RAD18: variants seen among roughly 807,000 people sequenced by gnomAD.
RAD18 encodes the protein E3 ubiquitin-protein ligase RAD18.
In RAD18, 47 loss-of-function variants were observed where a neutral mutation model predicts 60.4. The observed-to-expected ratio is 0.78, with a 90% confidence interval of 0.62 to 0.99. The LOEUF is 0.99. Among genes scored for constraint, RAD18 ranks in the 50% least tolerant of loss-of-function variants. RAD18 has a pLI of 0.00. For synonymous variants in RAD18, 225 were observed against 195.5 expected (o/e 1.15, Z -1.26); for missense variants, 640 against 593.3 (o/e 1.08, Z -0.82).
At position 8,880,571 on chromosome 3, in the gene RAD18, C is replaced by G. The variant is rs140319590; in HGVS notation, c.*786G>C. The G allele has an allele frequency of 3.3e-5, 5 of 152,324 alleles. No individual in the cohort carries two copies. The East Asian group carries it at 9.7e-4, about 29-fold the overall frequency. 9.4% of individuals were successfully genotyped at this position (152,324 alleles called of 1,614,324 possible). On this transcript the variant is annotated 3_prime_UTR_variant, in exon 13 of 13. Coordinates refer to ENST00000264926, the MANE Select transcript of RAD18 (RefSeq NM_020165.4). ...AAGAACATTATTGTAAACTGATACT[C>G]TCTATTCATTTACAAAATTCATTCA...
intron 12 of RAD18, among the ~76,000 whole-genome samples, chr3:8,887,328 G>C (rs1419764704): frequency 6.6e-6 from 1 of 152,128 alleles, no homozygotes; most frequent in Non-Finnish European, 1.5e-5. Flanking sequence ...TAATTGCTAG[G>C]TTCTGGCTTG....
At chr3:8,907,772 C>T (rs535863030) in intron 9 of RAD18, among the ~76,000 whole-genome samples, 1 of 123,172 alleles carries the variant, frequency 8.1e-6, no homozygotes, top group African/African-American at 3.0e-5. Context: ...TAAAATCCTC[C>T]ACATACACTA....
intron 10 of RAD18, among the ~76,000 whole-genome samples, chr3:8,900,977 A>T (rs190739559): frequency 2.4e-4 from 36 of 152,348 alleles, no homozygotes; most frequent in Admixed American, 2.4e-3. Flanking sequence ...AGATTTTCTC[A>T]AGTGCTAAAC....
At position 8,906,046 on chromosome 3, in the gene RAD18, CTG is replaced by C. The variant is rs1939996323; in HGVS notation, c.1028-3528_1028-3527del. On this transcript the variant is annotated intron_variant, in intron 9 of 12. Coordinates refer to ENST00000264926, the MANE Select transcript of RAD18 (RefSeq NM_020165.4). ...CATCATGAAGCTGTGAACAGAGAGA[CTG>C]TGCCTTTGAACCTAGAGTGTGAATT... 3.9e-5 allele frequency among the ~76,000 whole-genome samples: 6 copies of C among 152,176 alleles called. No homozygotes were observed. In the South Asian group the frequency reaches 1.2e-3, roughly 32 times the overall value.
Position 8,932,343 on chromosome 3 carries a change from G to A in RAD18, c.889+3528C>T, listed in dbSNP as rs534553568. Among the ~76,000 whole-genome samples the A allele has an allele frequency of 7.9e-5, 12 of 152,176 alleles. No individual in the cohort carries two copies. In the South Asian group the frequency reaches 2.3e-3, roughly 29 times the overall value. The stretch of plus-strand genomic sequence containing the variant: ...ACAAATCAATAAAAAGAGTTAAGGG[G>A]CAGAATATTTCAACCAAGCCTTTAT... On this transcript the variant is annotated intron_variant, in intron 7 of 12. Transcript: ENST00000264926.
At chr3:8,901,819 TACC>T (rs1240393699) in intron 10 of RAD18, among the ~76,000 whole-genome samples, 2 of 152,334 alleles carry the variant, frequency 1.3e-5, no homozygotes, top group Admixed American at 6.5e-5. Context: ...ATGTATATTT[TACC>T]ACAATATAGA....
intron 2 of RAD18, among the ~76,000 whole-genome samples, chr3:8,954,202 C>T (rs1291599575): frequency 6.6e-6 from 1 of 152,214 alleles, no homozygotes; most frequent in African/African-American, 2.4e-5. Context: ...CCAACCTTTT[C>T]AGCTTTCTTG....
chr3:8,903,031 A>C (rs1159241937), intron 9 of RAD18, among the ~76,000 whole-genome samples: 1 of 152,068 alleles, frequency 6.6e-6, no homozygotes, highest in African/African-American at 2.4e-5. Context: ...GTCTCAAAAA[A>C]AAAAAACAAA....
intron 1 of RAD18, among the ~76,000 whole-genome samples, chr3:8,960,218 G>T (rs919279330): frequency 2.0e-5 from 3 of 152,124 alleles, no homozygotes; most frequent in Admixed American, 6.5e-5. Context: ...GAGGCGGAAG[G>T]ATTGCTTTAG....
At chr3:8,892,877 C>T (rs1939717437) in intron 11 of RAD18, among the ~76,000 whole-genome samples, 1 of 152,156 alleles carries the variant, frequency 6.6e-6, no homozygotes, top group African/African-American at 2.4e-5. Context: ...CTGTTACTTA[C>T]TGTGTAATTT....
intron 10 of RAD18, among the ~76,000 whole-genome samples, chr3:8,900,546 C>T (rs9820257): frequency 0.015 from 2,300 of 152,284 alleles, 64 homozygotes; most frequent in African/African-American, 0.053. Flanking sequence ...AATAAGTTAT[C>T]CTTCCTACTT....
intron 3 of RAD18, among the ~76,000 whole-genome samples, 159 bp downstream of exon 3, chr3:8,948,350 T>A (rs1159919836): frequency 2.0e-5 from 3 of 152,250 alleles, no homozygotes; most frequent in Non-Finnish European, 4.4e-5. Context: ...GCCCAGCTCT[T>A]CTTACATGTA....
intron 5 of RAD18, among the ~76,000 whole-genome samples, chr3:8,941,088 G>A (rs1050228721): frequency 2.0e-5 from 3 of 152,160 alleles, no homozygotes; most frequent in Non-Finnish European, 4.4e-5. Context: ...AATTGTCACA[G>A]GCTTTATATG....
At chr3:8,903,728 C>T (rs1939954265) in intron 9 of RAD18, among the ~76,000 whole-genome samples, 1 of 152,152 alleles carries the variant, frequency 6.6e-6, no homozygotes, top group Admixed American at 6.5e-5. Context: ...ACGTTAAATA[C>T]TTAGGCCACA....
intron 11 of RAD18, among the ~76,000 whole-genome samples, chr3:8,895,716 T>G (rs1939771888): frequency 6.6e-6 from 1 of 152,340 alleles, no homozygotes; most frequent in East Asian, 1.9e-4. Flanking sequence ...AGATGTATAC[T>G]GAGTTGGCCC....
At chr3:8,892,699 G>A (rs749137266) in intron 11 of RAD18, among the ~76,000 whole-genome samples, 9 of 152,094 alleles carry the variant, frequency 5.9e-5, no homozygotes, top group Non-Finnish European at 1.0e-4. Context: ...CACTATCTTC[G>A]CATATTCCTT....
intron 4 of RAD18, chr3:8,946,994 C>A (rs553771752): frequency 1.7e-5 from 7 of 411,984 alleles, no homozygotes; most frequent in Non-Finnish European, 3.0e-5. Flanking sequence ...CTCAAATCTG[C>A]GTTTTAACTC....
rs1203883340 is a variant in RAD18 at position 8,880,015 on chromosome 3, C to A, written c.*1342G>T. 1 of 152,170 alleles carries A rather than the reference C, an allele frequency of 6.6e-6. No homozygotes were observed. The highest frequency in any genetic ancestry group is 3.2e-3 in the Middle Eastern group (1 of 316). The allele number at this position is 152,170 out of a possible 1,614,324, so 9.4% of individuals were successfully genotyped here. On this transcript the variant is annotated 3_prime_UTR_variant, in exon 13 of 13. Transcript: ENST00000264926. ...CTATTTTGTTTGACATGCTCACTTA[C>A]CTCACATCAGTTCTGCCGATAGATT... is the stretch of plus-strand genomic sequence containing the variant.
At chr3:8,888,555 G>T (rs1939623945) in intron 12 of RAD18, among the ~76,000 whole-genome samples, 1 of 152,224 alleles carries the variant, frequency 6.6e-6, no homozygotes, top group Non-Finnish European at 1.5e-5. Context: ...TTGTTGAAAA[G>T]TAAAGCTCTG....
Sources: allele counts gnomAD v4.1 joint callset (sites outside exome capture counted in the v4.1 genomes callset), GRCh38; gene constraint gnomAD v4.1.1; transcripts MANE v1.5; gene names NCBI Gene and HGNC (gene_info 2026-07-23, HGNC 2026-07-21).